EML6: variants seen among roughly 807,000 people sequenced by gnomAD.
The protein encoded by EML6 is echinoderm microtubule-associated protein-like 6.
In EML6, 154 loss-of-function variants were observed where a neutral mutation model predicts 240.1. The ratio of observed to expected loss-of-function variants is 0.64; its 90% confidence interval spans 0.56 to 0.73. The LOEUF (loss-of-function observed/expected upper bound fraction) is 0.73. Ranked by LOEUF, EML6 falls within the 30% of genes least tolerant of loss-of-function variation. The pLI, the probability that EML6 is intolerant of heterozygous loss-of-function variation, is 0.00. For missense variants in EML6, 2,964 were observed against 2,474.6 expected (o/e 1.20, Z -4.20); for synonymous variants, 1,148 against 899.0 (o/e 1.28, Z -4.95).
Position 54,928,724 on chromosome 2 carries a change from A to C in EML6, c.3977A>C (p.Gln1326Pro). 1.3e-6 allele frequency: 2 copies of C among 1,551,940 alleles called. No individual in the cohort carries two copies. Among genetic ancestry groups the C allele is most frequent in the Non-Finnish European group, 1.7e-6 (2 of 1,147,066 alleles). Residue 1326 changes from glutamine (Q) to proline (P), a missense_variant, in exon 28 of 42, where the codon CAG becomes CCG. Coordinates refer to ENST00000356458, the MANE Select transcript of EML6 (RefSeq NM_001039753.4). ...REMEGTKPHQ[Q>P]LKEVSVEERP... ...ATGGAAGGCACCAAGCCACACCAGC[A>C]GCTGAAGGAAGTTTCCGTGGAAGAA...
intron 17 of EML6, among the ~76,000 whole-genome samples, chr2:54,886,162 T>A (rs1376541574): frequency 1.9e-4 from 7 of 35,942 alleles, no homozygotes; most frequent in Admixed American, 6.4e-4. Context: ...TTAACCTTCT[T>A]TTTTTTTTTT....
chr2:54,797,957 G>T (rs978306411), intron 2 of EML6, among the ~76,000 whole-genome samples: 1 of 151,972 alleles, frequency 6.6e-6, no homozygotes, highest in African/African-American at 2.4e-5. Context: ...CAAGGTTTTA[G>T]TTTTTTAAAA....
chr2:54,937,581 A>C (rs1003232398), intron 28 of EML6, among the ~76,000 whole-genome samples: 1 of 143,168 alleles, frequency 7.0e-6, no homozygotes, highest in African/African-American at 2.6e-5. Flanking sequence ...AAAAAAAAAA[A>C]AGTAGAAAAG....
At chr2:54,789,545 A>G (rs1006854204) in intron 2 of EML6, among the ~76,000 whole-genome samples, 8 of 145,638 alleles carry the variant, frequency 5.5e-5, no homozygotes, top group Non-Finnish European at 1.2e-4. Flanking sequence ...AAAAAAAAAA[A>G]AAAGAAAAAG....
intron 22 of EML6, among the ~76,000 whole-genome samples, chr2:54,900,537 G>A (rs1188395992): frequency 1.3e-5 from 2 of 152,214 alleles, no homozygotes; most frequent in Non-Finnish European, 2.9e-5. Flanking sequence ...GACAATTGCT[G>A]CAACCTTGAA....
At chr2:54,907,742 G>A (rs1457288119) in intron 24 of EML6, among the ~76,000 whole-genome samples, 1 of 152,152 alleles carries the variant, frequency 6.6e-6, no homozygotes, top group Non-Finnish European at 1.5e-5. Context: ...TTTAATCTGT[G>A]TGAGCAGATA....
intron 26 of EML6, among the ~76,000 whole-genome samples, chr2:54,921,657 C>T (rs1207811253): frequency 6.6e-6 from 1 of 152,048 alleles, no homozygotes; most frequent in Non-Finnish European, 1.5e-5. Flanking sequence ...GGAAGTGTCA[C>T]ACTTTGAAAT....
In EML6 at chr2:54,871,366, C is replaced by G. The variant is rs1049259560; in HGVS notation, c.2239-134C>G. ...CATCTCAAAAATAACTGAATTGTAGCAGATGATTTCCTAGGGTCCTTCTAT... is the reference window on the plus strand; with the variant it reads ...CATCTCAAAAATAACTGAATTGTAGGAGATGATTTCCTAGGGTCCTTCTAT... On this transcript the variant is annotated intron_variant, in intron 15 of 41. Transcript: ENST00000356458. The G allele has an allele frequency of 2.4e-5, 16 of 664,834 alleles. No homozygotes were observed. The African/African-American group carries it at 2.7e-4, about 11-fold the overall frequency. 41.2% of individuals were successfully genotyped at this position (664,834 alleles called of 1,614,324 possible). A position where few individuals can be genotyped will look rare whatever the true frequency, so the allele number is the denominator to read the frequency against.
chr2:54,957,790 G>A lies in EML6; in HGVS notation c.4487G>A (p.Gly1496Asp). ...HTITVWRWQE[G>D]AKVASRGGHL... ...TCACTGGACTCTGTCACCCACACAG[G>A]TGCCAAGGTTGCCAGCCGAGGGGGT... is the stretch of plus-strand genomic sequence containing the variant. Residue 1496 changes from glycine (G) to aspartate (D), a missense_variant and splice_region_variant, in exon 33 of 42, where the codon GGT becomes GAT. Physicochemically the swap from Gly to Asp is moderately conservative, Grantham distance 94 (BLOSUM62 -1). Coordinates refer to ENST00000356458, the MANE Select transcript of EML6 (RefSeq NM_001039753.4). The A allele has an allele frequency of 6.5e-7, 1 of 1,549,726 alleles. No homozygotes were observed. Among genetic ancestry groups the A allele is most frequent in the Non-Finnish European group, 8.7e-7 (1 of 1,146,984 alleles).
chr2:54,804,294 A>G (rs1159050515), intron 2 of EML6, among the ~76,000 whole-genome samples: 1 of 152,238 alleles, frequency 6.6e-6, no homozygotes, highest in Non-Finnish European at 1.5e-5. Flanking sequence ...TACAACCCTC[A>G]ATGCTTGAGT....
intron 6 of EML6, among the ~76,000 whole-genome samples, chr2:54,828,987 C>T (rs894349200): frequency 2.0e-5 from 3 of 152,180 alleles, no homozygotes; most frequent in African/African-American, 7.2e-5. Context: ...GCAGCAACTT[C>T]CATGAAACAC....
chr2:54,909,884 C>G (rs916666762), intron 24 of EML6, among the ~76,000 whole-genome samples: 1 of 148,422 alleles, frequency 6.7e-6, no homozygotes, highest in African/African-American at 2.5e-5. Flanking sequence ...ATTAGCCAAG[C>G]TAGATTTCAG....
chr2:54,816,260 G>A (rs1486837839), intron 3 of EML6, among the ~76,000 whole-genome samples: 3 of 152,126 alleles, frequency 2.0e-5, no homozygotes, highest in South Asian at 4.1e-4. Flanking sequence ...TAGGCTGGGA[G>A]GTGAAGTACC....
chr2:54,754,961 G>A (rs944950531), intron 2 of EML6, among the ~76,000 whole-genome samples: 1 of 152,178 alleles, frequency 6.6e-6, no homozygotes, highest in African/African-American at 2.4e-5. Flanking sequence ...ATTAAATGTA[G>A]TTAGTCACAT....
chr2:54,950,684 G>T lies in EML6; in HGVS notation c.4118G>T (p.Gly1373Val), dbSNP rs1366345121. ...LALDHVFGYR[G>V]FDCRNNLHYL... ...CTAGACCACGTGTTTGGCTACAGAG[G>T]TTTCGACTGTCGAAATAACCTGCAT... The change falls in exon 30 of 42, where the codon GGT becomes GTT. Residue 1373 changes from glycine to valine, a missense_variant. Coordinates refer to ENST00000356458, the MANE Select transcript of EML6 (RefSeq NM_001039753.4). 1.3e-6 allele frequency: 2 copies of T among 1,551,630 alleles called. No homozygotes were observed. Among genetic ancestry groups the T allele is most frequent in the Non-Finnish European group, 1.7e-6 (2 of 1,146,974 alleles).
chr2:54,836,146 A>G (rs1168973621), intron 7 of EML6, among the ~76,000 whole-genome samples: 2 of 152,154 alleles, frequency 1.3e-5, no homozygotes, highest in Non-Finnish European at 2.9e-5. Context: ...ACAGATTTGC[A>G]GCCAGGAGAT....
Position 54,959,205 on chromosome 2 carries a change from C to A in EML6, c.4797C>A (p.Phe1599Leu). The change falls in exon 34 of 42, where the codon TTC becomes TTA. Residue 1599 changes from phenylalanine to leucine, a missense_variant. Transcript: ENST00000356458. Reference sequence around the variant, plus strand: ...CCAAGGCTCACACAGGCCCCGTGTTCACAATGTACACAACCCTTCGGGATG... The same window carrying A: ...CCAAGGCTCACACAGGCCCCGTGTTAACAATGTACACAACCCTTCGGGATG... ...LVAKAHTGPV[F>L]TMYTTLRDGL... The A allele has an allele frequency of 1.9e-6, 3 of 1,551,606 alleles. No individual in the cohort carries two copies. Among genetic ancestry groups the A allele is most frequent in the Non-Finnish European group, 1.7e-6 (2 of 1,146,954 alleles).
At chr2:54,800,679 G>A (rs1352908209) in intron 2 of EML6, among the ~76,000 whole-genome samples, 1 of 152,110 alleles carries the variant, frequency 6.6e-6, no homozygotes, top group Non-Finnish European at 1.5e-5. Context: ...TAGGACATCA[G>A]ATACTTGGAT....
intron 26 of EML6, among the ~76,000 whole-genome samples, chr2:54,918,694 A>T (rs941680987): frequency 1.3e-5 from 2 of 152,218 alleles, no homozygotes; most frequent in Non-Finnish European, 2.9e-5. Context: ...TTTAATCAGT[A>T]ACAGACATTT....
Sources: gnomAD v4.1 joint callset for allele counts (sites outside exome capture counted in the v4.1 genomes callset) on GRCh38, gnomAD v4.1.1 for gene constraint, MANE v1.5 for transcripts, NCBI Gene and HGNC (gene_info 2026-07-23, HGNC 2026-07-21) for gene names.